Variants in DYM observed in about 807,000 individuals in gnomAD.
DYM encodes the protein dyggve-Melchior-Clausen syndrome protein.
DYM carries 78 observed loss-of-function variants against 93.1 expected under a neutral mutation model. The observed-to-expected ratio is 0.84, with a 90% CI of 0.70 to 1.01. The LOEUF is 1.01. DYM is among the 50% of genes least tolerant of loss of function. DYM has a pLI of 0.00. For synonymous variants in DYM, 321 were observed against 319.7 expected (o/e 1.00, Z -0.04); for missense variants, 789 against 845.0 (o/e 0.93, Z 0.82).
chr18:49,309,721 T>C (rs2061478657), intron 8 of DYM, among the ~76,000 whole-genome samples: 1 of 152,252 alleles, frequency 6.6e-6, no homozygotes, highest in Non-Finnish European at 1.5e-5. Context: ...AGTATATCTG[T>C]GGTCTTAAAA....
intron 14 of DYM, among the ~76,000 whole-genome samples, chr18:49,178,726 A>T (rs1004449506): frequency 1.3e-4 from 20 of 152,152 alleles, no homozygotes; most frequent in African/African-American, 4.8e-4. Context: ...CCATGGATTA[A>T]ATGTACTTTT....
At chr18:49,142,158 G>A (rs989795112) in intron 15 of DYM, among the ~76,000 whole-genome samples, 3 of 151,966 alleles carry the variant, frequency 2.0e-5, no homozygotes, top group African/African-American at 4.8e-5. Flanking sequence ...ACCGCGCCTG[G>A]CCAATATGTT....
intron 13 of DYM, among the ~76,000 whole-genome samples, chr18:49,213,876 A>G (rs2092909951): frequency 6.6e-6 from 1 of 152,252 alleles, no homozygotes; most frequent in South Asian, 2.1e-4. Flanking sequence ...TTGGCATAAA[A>G]GAAATCTTGA....
At chr18:49,425,643 C>T (rs953982650) in intron 2 of DYM, among the ~76,000 whole-genome samples, 3 of 152,104 alleles carry the variant, frequency 2.0e-5, no homozygotes, top group African/African-American at 7.2e-5. Context: ...GCAATCTACC[C>T]ATCTGACAAA....
intron 16 of DYM, among the ~76,000 whole-genome samples, chr18:49,117,042 G>C (rs2081979509): frequency 1.3e-5 from 2 of 152,178 alleles, no homozygotes; most frequent in Non-Finnish European, 2.9e-5. Flanking sequence ...TGGAGTCCTG[G>C]TTCATAAAGA....
intron 14 of DYM, among the ~76,000 whole-genome samples, chr18:49,181,805 T>A (rs1020126114): frequency 2.6e-5 from 4 of 152,176 alleles, no homozygotes; most frequent in Admixed American, 6.6e-5. Context: ...ATTTGTTTTC[T>A]ATATCAGTGA....
intron 17 of DYM, among the ~76,000 whole-genome samples, chr18:49,045,243 T>G (rs2071326503): frequency 6.6e-6 from 1 of 152,168 alleles, no homozygotes; most frequent in African/African-American, 2.4e-5. Context: ...CTTCCCCACA[T>G]GCATCCACAG....
rs117319635 is a variant in DYM at position 49,421,011 on chromosome 18, G to A, written c.140+9244C>T. Among the ~76,000 whole-genome samples, 748 of 152,220 alleles carry A rather than the reference G, an allele frequency of 4.9e-3. 37 individuals carry two copies. The East Asian group carries it at 0.1, about 20-fold the overall frequency. ...GCTTGAGTACCTAAACAAAGCAGCC[G>A]GGAAGCCCAAACCGCAGCTCAAGGA... On this transcript the variant is annotated intron_variant, in intron 2 of 17. Coordinates refer to ENST00000675505, the MANE Select transcript of DYM (RefSeq NM_001353214.3).
At chr18:49,166,128 G>A (rs150137834) in intron 14 of DYM, among the ~76,000 whole-genome samples, 110 of 152,142 alleles carry the variant, frequency 7.2e-4, no homozygotes, top group South Asian at 4.6e-3. Flanking sequence ...TCCACTCATC[G>A]TTATTCTCAT....
At chr18:49,392,924 G>A (rs111788109) in intron 2 of DYM, among the ~76,000 whole-genome samples, 4,535 of 150,120 alleles carry the variant, frequency 0.03, 236 homozygotes, top group African/African-American at 0.11. Context: ...GAACCCAGGA[G>A]GCAGAGGTTA....
chr18:49,097,560 T>C, intron 16 of DYM, 45 bp from the exon 17 acceptor site: 3 of 1,540,908 alleles, frequency 1.9e-6, no homozygotes, highest in Non-Finnish European at 2.7e-6. Context: ...AGGTATGAAA[T>C]GTATTTTTAG....
intron 6 of DYM, among the ~76,000 whole-genome samples, chr18:49,347,221 A>T (rs1214963420): frequency 1.3e-5 from 2 of 152,164 alleles, no homozygotes; most frequent in African/African-American, 4.8e-5. Flanking sequence ...GCAAGTAAGA[A>T]ACTAAGAATA....
At chr18:49,449,732 A>G (rs1470485216) in intron 1 of DYM, among the ~76,000 whole-genome samples, 2 of 152,212 alleles carry the variant, frequency 1.3e-5, no homozygotes, top group Non-Finnish European at 2.9e-5. Context: ...ATAAAAAAGA[A>G]TTTGTGAGGT....
In DYM at chr18:49,441,489, A is replaced by C. The variant is rs531534334; in HGVS notation, c.-53-11042T>G. Among the ~76,000 whole-genome samples, 267 of 147,578 alleles carry C rather than the reference A, an allele frequency of 1.8e-3. 2 individuals are homozygous for C. Among genetic ancestry groups the C allele is most frequent in the Non-Finnish European group, 3.3e-3 (223 of 67,618 alleles). ...ATAATCACCAGCCAAAGGACAGAGT[A>C]AATGCCACAGGTGCCATGAGTCCAC... On this transcript the variant is annotated intron_variant, in intron 1 of 17. Coordinates refer to ENST00000675505, the MANE Select transcript of DYM (RefSeq NM_001353214.3).
chr18:49,220,175 T>C (rs1346918083), intron 13 of DYM, among the ~76,000 whole-genome samples: 1 of 152,054 alleles, frequency 6.6e-6, no homozygotes, highest in East Asian at 1.9e-4. Context: ...GAGAATAAAA[T>C]ATCTAGGAAT....
chr18:49,100,994 C>A (rs2080080051), intron 16 of DYM, among the ~76,000 whole-genome samples: 1 of 152,180 alleles, frequency 6.6e-6, no homozygotes, highest in Non-Finnish European at 1.5e-5. Context: ...TGTCTGACTG[C>A]AACACCAGCA....
At chr18:49,447,457 G>C (rs2082187739) in intron 1 of DYM, 1 of 152,232 alleles carries the variant, frequency 6.6e-6, no homozygotes, top group South Asian at 2.1e-4. Context: ...CTTTGTCCGG[G>C]ATACCAAGGT....
chr18:49,444,301 C>G (rs546936454), intron 1 of DYM, among the ~76,000 whole-genome samples: 1 of 152,244 alleles, frequency 6.6e-6, no homozygotes, highest in East Asian at 1.9e-4. Context: ...AATGGCTTAA[C>G]AATGGCAGAG....
chr18:49,103,850 C>A (rs1279503904), intron 16 of DYM, among the ~76,000 whole-genome samples: 1 of 151,132 alleles, frequency 6.6e-6, no homozygotes, highest in Non-Finnish European at 1.5e-5. Context: ...TAGCGTGATG[C>A]CTCCAGCTTT....
Sources: gnomAD v4.1 joint callset for allele counts (sites outside exome capture counted in the v4.1 genomes callset) on GRCh38, gnomAD v4.1.1 for gene constraint, MANE v1.5 for transcripts, NCBI Gene and HGNC (gene_info 2026-07-23, HGNC 2026-07-21) for gene names.